The following EPHA6 variants were observed in gnomAD, a reference collection of about 807,000 sequenced individuals.
EPHA6 encodes EPH receptor A6.
A neutral mutation model predicts 112.0 loss-of-function variants in EPHA6; 50 were observed. The observed-to-expected ratio is 0.45, with a 90% CI of 0.36 to 0.56. EPHA6 has a LOEUF of 0.56. EPHA6 is among the 20% of genes least tolerant of loss of function. EPHA6 has a pLI of 0.00. For synonymous variants in EPHA6, 529 were observed against 490.7 expected, an observed-to-expected ratio of 1.08 and a Z score of -1.03; for missense variants, 1,280 against 1,417.4, an observed-to-expected ratio of 0.90 and a Z score of 1.56.
At chr3:97,139,311 G>A (rs560995798) in intron 3 of EPHA6, among the ~76,000 whole-genome samples, 10 of 152,290 alleles carry the variant, frequency 6.6e-5, no homozygotes, top group African/African-American at 2.4e-4. Flanking sequence ...GGGGAAGCCA[G>A]CCTGCACATA....
intron 2 of EPHA6, among the ~76,000 whole-genome samples, chr3:96,882,766 G>A (rs6782934): frequency 0.054 from 6,837 of 127,528 alleles, 552 homozygotes; most frequent in African/African-American, 0.19. Context: ...GTGTGTGTGT[G>A]TGTATAGTCA....
At chr3:97,189,325 G>T (rs922057502) in intron 3 of EPHA6, among the ~76,000 whole-genome samples, 32 of 151,952 alleles carry the variant, frequency 2.1e-4, no homozygotes, top group Admixed American at 5.3e-4. Context: ...ATAGCCCTTG[G>T]AAACATGAGC....
chr3:97,535,493 C>T (rs1465742276), intron 11 of EPHA6, among the ~76,000 whole-genome samples: 2 of 152,034 alleles, frequency 1.3e-5, no homozygotes, highest in Non-Finnish European at 1.5e-5. Context: ...GAATAATCCT[C>T]GTAAAGATAA....
At chr3:97,555,689 A>G (rs2093096634) in intron 11 of EPHA6, among the ~76,000 whole-genome samples, 1 of 151,832 alleles carries the variant, frequency 6.6e-6, no homozygotes, top group Non-Finnish European at 1.5e-5. Context: ...GATGGTGAGC[A>G]TTTTTTCATG....
At chr3:97,191,742 TTA>T in intron 3 of EPHA6, among the ~76,000 whole-genome samples, 1 of 152,146 alleles carries the variant, frequency 6.6e-6, no homozygotes, top group Non-Finnish European at 1.5e-5. Context: ...AGATGAACAC[TTA>T]GGTGGCTTCC....
At chr3:96,948,527 A>G (rs1388732055) in intron 2 of EPHA6, among the ~76,000 whole-genome samples, 2 of 151,974 alleles carry the variant, frequency 1.3e-5, no homozygotes, top group Non-Finnish European at 2.9e-5. Flanking sequence ...AGCTTTATGG[A>G]AAAAAAATGC....
chr3:97,008,337 G>A (rs149319527), intron 3 of EPHA6, among the ~76,000 whole-genome samples: 3,950 of 152,126 alleles, frequency 0.026, 171 homozygotes, highest in African/African-American at 0.088. Flanking sequence ...TTGTCTGCAT[G>A]TCTTATTTCA....
At chr3:97,201,398 T>G (rs1317085664) in intron 3 of EPHA6, among the ~76,000 whole-genome samples, 1 of 152,118 alleles carries the variant, frequency 6.6e-6, no homozygotes, top group African/African-American at 2.4e-5. Context: ...ACAGTCAATA[T>G]AGGAAAATTG....
At chr3:97,026,013 G>T (rs2044624943) in intron 3 of EPHA6, among the ~76,000 whole-genome samples, 1 of 151,920 alleles carries the variant, frequency 6.6e-6, no homozygotes, top group African/African-American at 2.4e-5. Context: ...GGAAATGCTT[G>T]TCTTGTTGCT....
At chr3:97,174,455 G>T (rs2108435499) in intron 3 of EPHA6, among the ~76,000 whole-genome samples, 1 of 151,908 alleles carries the variant, frequency 6.6e-6, no homozygotes, top group South Asian at 2.1e-4. Flanking sequence ...TCAATTTTTA[G>T]ATTTTTGAGG....
chr3:97,650,150 A>G (rs539739356), intron 14 of EPHA6, among the ~76,000 whole-genome samples: 1 of 152,244 alleles, frequency 6.6e-6, no homozygotes, highest in Admixed American at 6.5e-5. Flanking sequence ...ACGGGAGAGA[A>G]TATGTGCTAA....
intron 5 of EPHA6, among the ~76,000 whole-genome samples, chr3:97,341,289 C>A (rs928751493): frequency 6.6e-6 from 1 of 151,576 alleles, no homozygotes; most frequent in Non-Finnish European, 1.5e-5. Context: ...TAAAAAAAAG[C>A]AAATTAGAAG....
In EPHA6 at chr3:97,449,173, T is replaced by A. The variant is rs369698685; in HGVS notation, c.1894+443T>A. ...TGCACATTATAGGTTTAAATACAGA[T>A]GCATGGGCTTCATCAGAAACCCACA... On this transcript the variant is annotated intron_variant, in intron 7 of 17. Transcript: ENST00000389672. 1.4e-4 allele frequency among the ~76,000 whole-genome samples: 21 copies of A among 152,118 alleles called. No homozygotes were observed. The East Asian group carries it at 4.0e-3, about 29-fold the overall frequency.
chr3:97,555,419 A>C (rs1222406981), intron 11 of EPHA6, among the ~76,000 whole-genome samples: 3 of 152,112 alleles, frequency 2.0e-5, no homozygotes, highest in Non-Finnish European at 4.4e-5. Context: ...TAGCAGCATG[A>C]TTTATAGTCC....
At chr3:96,838,780 A>G (rs1056228694) in intron 1 of EPHA6, among the ~76,000 whole-genome samples, 7 of 152,134 alleles carry the variant, frequency 4.6e-5, no homozygotes, top group African/African-American at 1.7e-4. Flanking sequence ...AGAAGAGGTC[A>G]CACTGCAGTT....
At chr3:96,970,171 C>A (rs1447616697) in intron 2 of EPHA6, among the ~76,000 whole-genome samples, 1 of 151,642 alleles carries the variant, frequency 6.6e-6, no homozygotes, top group Non-Finnish European at 1.5e-5. Flanking sequence ...TTCACCTGTT[C>A]AGTTCACTCT....
intron 14 of EPHA6, among the ~76,000 whole-genome samples, chr3:97,709,060 T>C (rs2033828757): frequency 6.6e-6 from 1 of 151,328 alleles, no homozygotes; most frequent in Non-Finnish European, 1.5e-5. Context: ...CCCCCACCCA[T>C]AGTCCCTACT....
intron 5 of EPHA6, among the ~76,000 whole-genome samples, chr3:97,347,343 C>T (rs2083583569): frequency 1.3e-5 from 2 of 151,740 alleles, no homozygotes; most frequent in South Asian, 4.1e-4. Context: ...TTGATACTAA[C>T]TTTTCTTAGA....
intron 14 of EPHA6, among the ~76,000 whole-genome samples, chr3:97,678,131 T>C (rs1056801941): frequency 3.9e-5 from 6 of 152,048 alleles, no homozygotes; most frequent in African/African-American, 1.4e-4. Flanking sequence ...TAGGTGACTA[T>C]TACAGAGAGG....
Sources: gnomAD v4.1 joint callset for allele counts (sites outside exome capture counted in the v4.1 genomes callset) on GRCh38, gnomAD v4.1.1 for gene constraint, MANE v1.5 for transcripts, NCBI Gene and HGNC (gene_info 2026-07-23, HGNC 2026-07-21) for gene names.